Variants in TRANK1 observed in about 807,000 individuals in gnomAD.
TRANK1 encodes tetratricopeptide repeat and ankyrin repeat containing 1.
TRANK1 carries 198 observed loss-of-function variants against 266.0 expected under a neutral mutation model. The ratio of observed to expected loss-of-function variants is 0.74; its 90% CI spans 0.66 to 0.84. The LOEUF is 0.84. TRANK1 is among the 40% of genes least tolerant of loss of function. TRANK1 has a pLI of 0.00. For missense variants in TRANK1, 3,326 were observed against 3,634.6 expected (o/e 0.92, Z 2.18); for synonymous variants, 1,396 against 1,384.1 (o/e 1.01, Z -0.19).
At chr3:36,841,963 C>T (rs1403494421) in intron 18 of TRANK1, among the ~76,000 whole-genome samples, 2 of 152,070 alleles carry the variant, frequency 1.3e-5, no homozygotes, top group Non-Finnish European at 2.9e-5. Context: ...GTCATCACCA[C>T]TATTTCAAGG....
intron 20 of TRANK1, among the ~76,000 whole-genome samples, chr3:36,836,185 C>T (rs1219760874): frequency 6.6e-6 from 1 of 152,232 alleles, no homozygotes; most frequent in African/African-American, 2.4e-5. Flanking sequence ...AGCGAAGGGA[C>T]TGTACTTAGT....
In TRANK1 at chr3:36,860,956, G is replaced by C. The variant is rs2079133783; in HGVS notation, c.1445C>G (p.Thr482Ser). Residue 482 changes from threonine to serine, a missense_variant, in exon 11 of 24, where the codon ACC becomes AGC. By Grantham distance (58) the Thr-to-Ser change is moderately conservative. Coordinates refer to ENST00000645898, the MANE Select transcript of TRANK1 (RefSeq NM_001329998.2). ...AAGCTGTTTCTTCCGCTGGTCCCAG[G>C]TGCTGAGATGGGGGATGATGGTACA... ...DICTIIPHLS[T>S]WDQRKKQLLG... 2 of 1,537,618 alleles carry C rather than the reference G, an allele frequency of 1.3e-6. No homozygotes were observed. The highest frequency in any genetic ancestry group is 2.0e-5 in the Admixed American group (1 of 51,010).
chr3:36,882,518 TA>T (rs2079546475), intron 8 of TRANK1, among the ~76,000 whole-genome samples: 1 of 152,164 alleles, frequency 6.6e-6, no homozygotes, highest in South Asian at 2.1e-4. Flanking sequence ...ACCAAGAATC[TA>T]AATGTAAAAA....
chr3:36,830,623 C>A (rs1368712948), intron 22 of TRANK1, among the ~76,000 whole-genome samples: 1 of 152,178 alleles, frequency 6.6e-6, no homozygotes, highest in Non-Finnish European at 1.5e-5. Context: ...AAGAGGCATG[C>A]AAGTTTCTGG....
chr3:36,918,362 A>G (rs1413138390), intron 1 of TRANK1, among the ~76,000 whole-genome samples: 3 of 151,714 alleles, frequency 2.0e-5, no homozygotes, highest in African/African-American at 4.9e-5. Flanking sequence ...CTGCCGAACT[A>G]TACATTTAAA....
intron 2 of TRANK1, among the ~76,000 whole-genome samples, chr3:36,907,189 C>T (rs1175172483): frequency 1.3e-5 from 2 of 152,180 alleles, no homozygotes; most frequent in African/African-American, 4.8e-5. Flanking sequence ...TCACTCTTGT[C>T]ACCGAGGCCA....
At chr3:36,928,771 T>C (rs1381337152) in intron 1 of TRANK1, among the ~76,000 whole-genome samples, 2 of 152,120 alleles carry the variant, frequency 1.3e-5, no homozygotes, top group African/African-American at 4.8e-5. Flanking sequence ...TCAAGACTTA[T>C]ATGGAGAAAA....
In TRANK1 at chr3:36,857,844, T is replaced by G. The variant is rs1458905517; in HGVS notation, c.1878A>C (p.Lys626Asn). 1.9e-6 allele frequency: 3 copies of G among 1,613,688 alleles called. No homozygotes were observed. The highest frequency in any genetic ancestry group is 1.7e-6 in the Non-Finnish European group (2 of 1,179,892). Residue 626 changes from lysine to asparagine, a missense_variant, in exon 13 of 24, where the codon AAA becomes AAC. Transcript: ENST00000645898. The surrounding 1 kb of genome is among the most constrained non-coding windows in gnomAD (Gnocchi z 4.3). Reference sequence around the variant, plus strand: ...TCCGGTGCCGTGCATCTTTGCCCTCTTTGTTCTTCAGATTGAAGTTGATGT... The same window carrying G: ...TCCGGTGCCGTGCATCTTTGCCCTCGTTGTTCTTCAGATTGAAGTTGATGT... ...KFDINFNLKN[K>N]EGKDARHRIK...
At position 36,832,084 on chromosome 3, in the gene TRANK1, A is replaced by G. The variant is rs770434138; in HGVS notation, c.7499T>C (p.Leu2500Pro). 5 of 1,613,984 alleles carry G rather than the reference A, an allele frequency of 3.1e-6. No homozygotes were observed. The highest frequency in any genetic ancestry group is 2.2e-5 in the East Asian group (1 of 44,872). The change falls in exon 22 of 24, where the codon CTT (leucine) becomes CCT (proline). Residue 2500 changes from leucine to proline, a missense_variant. Coordinates refer to ENST00000645898, the MANE Select transcript of TRANK1 (RefSeq NM_001329998.2). ...EFLFSKKDKELGDVFSIIQEY... is the reference protein window; with the variant it reads ...EFLFSKKDKEPGDVFSIIQEY... ...CTGAATGATGGAGAACACATCCCCA[A>G]GCTCCTTGTCCTTCTTGCTAAACAG... is the stretch of plus-strand genomic sequence containing the variant.
At chr3:36,888,257 A>C (rs1211587073) in intron 8 of TRANK1, among the ~76,000 whole-genome samples, 2 of 152,246 alleles carry the variant, frequency 1.3e-5, no homozygotes, top group Non-Finnish European at 2.9e-5. Flanking sequence ...CTTATATTCT[A>C]TGATTCCAGT....
At chr3:36,851,539 G>C in intron 15 of TRANK1, 180 bp downstream of exon 15, 1 of 1,216,562 alleles carries the variant, frequency 8.2e-7, no homozygotes, top group Non-Finnish European at 1.1e-6. Flanking sequence ...ACAACCCACA[G>C]CTAATGTCAA....
chr3:36,851,627 C>G, intron 15 of TRANK1, 92 bp downstream of exon 15: 1 of 1,447,716 alleles, frequency 6.9e-7, no homozygotes, highest in Non-Finnish European at 9.2e-7. Context: ...GTGATAAACT[C>G]TCTTACCCTC....
intron 2 of TRANK1, among the ~76,000 whole-genome samples, chr3:36,905,213 G>A (rs776608375): frequency 4.0e-5 from 6 of 151,750 alleles, no homozygotes; most frequent in African/African-American, 1.5e-4. Flanking sequence ...GCGTGAACCC[G>A]GGAGGCGGCG....
intron 9 of TRANK1, among the ~76,000 whole-genome samples, chr3:36,871,394 A>T (rs1011848191): frequency 5.3e-5 from 8 of 152,140 alleles, no homozygotes. Flanking sequence ...GTCTCTTAAA[A>T]ATATATATAT....
chr3:36,911,475 C>A (rs1033438945), intron 1 of TRANK1, among the ~76,000 whole-genome samples: 3 of 151,394 alleles, frequency 2.0e-5, no homozygotes, highest in Admixed American at 6.6e-5. Context: ...AAAAAAAAAA[C>A]TCTTCATTTC....
intron 1 of TRANK1, among the ~76,000 whole-genome samples, chr3:36,937,644 A>G (rs779404758): frequency 1.5e-4 from 23 of 152,218 alleles, no homozygotes; most frequent in Non-Finnish European, 2.9e-4. Flanking sequence ...AGCATTCCAC[A>G]ATGTCTCAAG....
intron 3 of TRANK1, among the ~76,000 whole-genome samples, chr3:36,902,132 C>CA (rs888630066): frequency 2.1e-4 from 32 of 150,958 alleles, no homozygotes; most frequent in African/African-American, 7.1e-4. Flanking sequence ...AAAATAACCG[C>CA]AAAAAAAAAT....
rs1163569058 is a variant in TRANK1, at chr3:36,831,972, C to T, written c.7611G>A (p.Glu2537=). 2 of 1,614,044 alleles carry T rather than the reference C, an allele frequency of 1.2e-6. No homozygotes were observed. The highest frequency in any genetic ancestry group is 2.2e-5 in the South Asian group (2 of 91,078). The change falls in exon 22 of 24, where the codon GAG becomes GAA. Residue 2537 remains glutamate (E), a synonymous_variant. Coordinates refer to ENST00000645898, the MANE Select transcript of TRANK1 (RefSeq NM_001329998.2). The surrounding 1 kb of genome is among the most constrained non-coding windows in gnomAD (Gnocchi z 5.0). ...CAAGCAGGACGTTGAAGTTCACATT[C>T]TCATAGCCACATAGCACCTTGGCGA... The part of the protein sequence containing the change: ...SYLAKVLCGY[E]NVNFNVLLDA...
chr3:36,904,229 C>G (rs1308675163), intron 2 of TRANK1, among the ~76,000 whole-genome samples: 1 of 150,804 alleles, frequency 6.6e-6, no homozygotes, highest in Non-Finnish European at 1.5e-5. Flanking sequence ...GCTGGGATTA[C>G]ATAATTAAGA....
Sources: gnomAD v4.1 joint callset for allele counts (sites outside exome capture counted in the v4.1 genomes callset) on GRCh38, gnomAD v4.1.1 for gene constraint, Gnocchi (gnomAD v3.1) non-coding constraint, MANE v1.5 for transcripts, NCBI Gene and HGNC (gene_info 2026-07-23, HGNC 2026-07-21) for gene names.